Variants in CERS6 observed in about 807,000 individuals in gnomAD.
CERS6 encodes the protein LAG1 homolog, ceramide synthase 6.
CERS6 carries 26 observed loss-of-function variants against 56.8 expected under a neutral mutation model. The ratio of observed to expected loss-of-function variants is 0.46; its 90% confidence interval spans 0.34 to 0.63. The LOEUF (loss-of-function observed/expected upper bound fraction) is 0.63. Ranked by LOEUF, CERS6 falls within the 30% of genes least tolerant of loss-of-function variation. The pLI is 0.01. For missense variants in CERS6, 415 were observed against 467.5 expected (o/e 0.89, Z 1.04); for synonymous variants, 164 against 173.3 (o/e 0.95, Z 0.42).
intron 4 of CERS6, among the ~76,000 whole-genome samples, chr2:168,632,013 A>G (rs979615530): frequency 1.7e-4 from 25 of 150,874 alleles, no homozygotes; most frequent in African/African-American, 6.1e-4. Context: ...TGTTGCTTTT[A>G]CTATAATCCT....
rs969470057 is a variant in CERS6 at position 168,549,875 on chromosome 2, G to C, written c.276+2174G>C. 2.0e-5 allele frequency among the ~76,000 whole-genome samples: 3 copies of C among 152,212 alleles called. No individual in the cohort carries two copies. The South Asian group carries it at 6.2e-4, about 32-fold the overall frequency. ...ACTGGAATAGGAGGGGCAGGACTTG[G>C]GAGAGCTTGAACAAAGTGTGCGTTT... On this transcript the variant is annotated intron_variant, in intron 2 of 9. Transcript: ENST00000305747.
chr2:168,557,439 C>T (rs1433806210), intron 2 of CERS6, among the ~76,000 whole-genome samples: 1 of 152,132 alleles, frequency 6.6e-6, no homozygotes, highest in Admixed American at 6.5e-5. Context: ...TAAGCTAATT[C>T]TGAAATTCAT....
chr2:168,562,653 C>T (rs887899125), intron 3 of CERS6, among the ~76,000 whole-genome samples: 1 of 152,176 alleles, frequency 6.6e-6, no homozygotes, highest in African/African-American at 2.4e-5. Flanking sequence ...AAACATGTCT[C>T]GCCTCCCACC....
intron 8 of CERS6, among the ~76,000 whole-genome samples, chr2:168,759,048 A>G (rs577879503): frequency 5.9e-4 from 90 of 152,324 alleles, no homozygotes; most frequent in African/African-American, 2.0e-3. Context: ...AGAACCCATA[A>G]AAGATAAGAA....
chr2:168,719,762 A>T (rs572063931), intron 8 of CERS6, among the ~76,000 whole-genome samples: 13 of 152,274 alleles, frequency 8.5e-5, no homozygotes, highest in African/African-American at 3.1e-4. Context: ...GCTCCTCCAG[A>T]CTTCTCTTCC....
chr2:168,734,231 A>G (rs990129436), intron 8 of CERS6, among the ~76,000 whole-genome samples: 2 of 152,134 alleles, frequency 1.3e-5, no homozygotes, highest in Non-Finnish European at 2.9e-5. Flanking sequence ...TACTTGTTTA[A>G]AAAGCCTGCA....
At chr2:168,655,818 T>C (rs531655510) in intron 4 of CERS6, among the ~76,000 whole-genome samples, 2 of 152,354 alleles carry the variant, frequency 1.3e-5, no homozygotes, top group Middle Eastern at 3.4e-3. Flanking sequence ...ACTGTAGTTA[T>C]TAATAGTATA....
chr2:168,568,164 A>G (rs1695917535), intron 3 of CERS6, among the ~76,000 whole-genome samples: 1 of 152,230 alleles, frequency 6.6e-6, no homozygotes, highest in Admixed American at 6.5e-5. Context: ...CTGGCTGCAC[A>G]TTAGCTACTG....
At chr2:168,637,041 C>G (rs1009587183) in intron 4 of CERS6, among the ~76,000 whole-genome samples, 2 of 152,118 alleles carry the variant, frequency 1.3e-5, no homozygotes, top group Non-Finnish European at 2.9e-5. Flanking sequence ...AGCTCATATC[C>G]CATAATTCAG....
chr2:168,647,254 T>G (rs1685226940), intron 4 of CERS6, among the ~76,000 whole-genome samples: 1 of 152,046 alleles, frequency 6.6e-6, no homozygotes. Flanking sequence ...CTTCCTGTAT[T>G]CCTTGGTATT....
chr2:168,680,832 G>A (rs1390680956), intron 4 of CERS6, among the ~76,000 whole-genome samples: 2 of 152,202 alleles, frequency 1.3e-5, no homozygotes, highest in Non-Finnish European at 2.9e-5. Context: ...GAACTCTGAG[G>A]AATAAATTTC....
chr2:168,593,624 A>C (rs1414749982), intron 3 of CERS6, among the ~76,000 whole-genome samples: 1 of 152,108 alleles, frequency 6.6e-6, no homozygotes, highest in Non-Finnish European at 1.5e-5. Context: ...ATTCTCTGTC[A>C]CTTGTTATAA....
intron 1 of CERS6, among the ~76,000 whole-genome samples, chr2:168,471,450 A>C (rs1296168196): frequency 3.9e-5 from 6 of 152,248 alleles, no homozygotes; most frequent in African/African-American, 1.2e-4. Flanking sequence ...TAATAGCATA[A>C]AATAAATGTT....
intron 8 of CERS6, among the ~76,000 whole-genome samples, chr2:168,750,869 AATAG>A (rs905676154): frequency 6.6e-6 from 1 of 152,168 alleles, no homozygotes; most frequent in Non-Finnish European, 1.5e-5. Context: ...CAGTTCCTCA[AATAG>A]ATAGTAAGTT....
At chr2:168,699,255 A>G (rs1018156547) in intron 6 of CERS6, among the ~76,000 whole-genome samples, 3 of 152,146 alleles carry the variant, frequency 2.0e-5, no homozygotes, top group African/African-American at 7.2e-5. Flanking sequence ...GGAACTATTA[A>G]CTGAACCCTC....
Position 168,695,009 on chromosome 2 carries a change from T to C in CERS6, c.567T>C (p.Tyr189=). 7 of 1,613,634 alleles carry C rather than the reference T, an allele frequency of 4.3e-6. No individual in the cohort carries two copies. Among genetic ancestry groups the C allele is most frequent in the Non-Finnish European group, 5.9e-6 (7 of 1,179,662 alleles). ...ATTACATCCTGGAGCTGTCGTTTTA[T>C]TGGTCTTTGATGTTTTCTCAGTTCA... ...HYYYILELSF[Y]WSLMFSQFTD... The change falls in exon 6 of 10, where the codon TAT becomes TAC. Residue 189 remains tyrosine, a synonymous_variant. Transcript: ENST00000305747.
chr2:168,464,174 T>TTGTGTG (rs35372610), intron 1 of CERS6, among the ~76,000 whole-genome samples: 10,386 of 139,606 alleles, frequency 0.074, 585 homozygotes, highest in Admixed American at 0.14. Flanking sequence ...TTTATACTTT[T>TTGTGTG]TGTGTGTGTG....
intron 6 of CERS6, among the ~76,000 whole-genome samples, chr2:168,701,974 A>T (rs897774060): frequency 1.3e-5 from 2 of 152,226 alleles, no homozygotes; most frequent in Non-Finnish European, 2.9e-5. Flanking sequence ...CAATGTTAAT[A>T]GTTATACTGT....
Position 168,647,616 on chromosome 2 carries a change from T to C in CERS6, c.465+16574T>C, listed in dbSNP as rs149266521. 9.1e-3 allele frequency among the ~76,000 whole-genome samples: 1,383 copies of C among 152,336 alleles called. 28 individuals carry two copies. Among genetic ancestry groups the C allele is most frequent in the African/African-American group, 0.03 (1,253 of 41,568 alleles). On this transcript the variant is annotated intron_variant, in intron 4 of 9. Transcript: ENST00000305747. ...GTTTTCAAGGGGAATGCTTCCAGCTTTTGCCCATTCAGTATAATGTTGGCT... is the reference window on the plus strand; with the variant it reads ...GTTTTCAAGGGGAATGCTTCCAGCTCTTGCCCATTCAGTATAATGTTGGCT...
Sources: allele counts gnomAD v4.1 joint callset (sites outside exome capture counted in the v4.1 genomes callset), GRCh38; gene constraint gnomAD v4.1.1; transcripts MANE v1.5; gene names NCBI Gene and HGNC (gene_info 2026-07-23, HGNC 2026-07-21).